The following PTPRG variants were observed in gnomAD, a reference collection of about 807,000 sequenced individuals.
PTPRG encodes protein tyrosine phosphatase receptor type G.
A neutral mutation model predicts 165.3 loss-of-function variants in PTPRG; 102 were observed. The observed-to-expected ratio is 0.62, with a 90% CI of 0.53 to 0.73. The LOEUF is 0.73. PTPRG is among the 30% of genes least tolerant of loss of function. The pLI is 0.00. For missense variants in PTPRG, 1,866 were observed against 1,861.4 expected, an observed-to-expected ratio of 1.00 and a Z score of -0.05; for synonymous variants, 675 against 669.5, an observed-to-expected ratio of 1.01 and a Z score of -0.13.
intron 4 of PTPRG, among the ~76,000 whole-genome samples, chr3:62,017,060 TAGAGGAGGGGATC>T (rs973343310): frequency 3.9e-5 from 6 of 152,192 alleles, no homozygotes; most frequent in South Asian, 2.1e-4. Flanking sequence ...TGTGAGCTTT[TAGAGGAGGGGATC>T]AGAGGAGGGG....
chr3:61,800,925 G>C (rs911156793), intron 2 of PTPRG, among the ~76,000 whole-genome samples: 2 of 152,114 alleles, frequency 1.3e-5, no homozygotes, highest in Non-Finnish European at 2.9e-5. Flanking sequence ...GATTACAGAC[G>C]TGAGCCACCA....
rs1430914942 is a variant in PTPRG at position 62,203,586 on chromosome 3, G to A, written c.1791G>A (p.Glu597=). 5.2e-6 allele frequency: 8 copies of A among 1,552,524 alleles called. No individual in the cohort carries two copies. The Admixed American group carries it at 1.4e-4, about 27-fold the overall frequency. The change falls in exon 12 of 30, where the codon GAG becomes GAA. Residue 597 remains glutamate, a synonymous_variant. Transcript: ENST00000474889. This position sits in a 1 kb window ranked among gnomAD's most constrained non-coding sequence, Gnocchi z 6.4. ...AGGATGGGGAGCGGGAGCACGAGGA[G>A]GATGGAGAGAAGGACTCCGAAAAGA... The part of the protein sequence containing the change: ...ESEDGEREHE[E]DGEKDSEKKE...
intron 2 of PTPRG, among the ~76,000 whole-genome samples, chr3:61,779,844 G>A (rs961226951): frequency 6.6e-6 from 1 of 152,128 alleles, no homozygotes; most frequent in African/African-American, 2.4e-5. Context: ...GCTCTATGGG[G>A]CCACAGATGA....
At chr3:61,744,176 T>C (rs934630993) in intron 1 of PTPRG, among the ~76,000 whole-genome samples, 11 of 152,250 alleles carry the variant, frequency 7.2e-5, no homozygotes, top group African/African-American at 2.7e-4. Flanking sequence ...ATATACTCTA[T>C]ATATACTTTT....
intron 2 of PTPRG, among the ~76,000 whole-genome samples, chr3:61,968,736 G>A (rs558158126): frequency 6.6e-6 from 1 of 152,256 alleles, no homozygotes; most frequent in Admixed American, 6.5e-5. Context: ...TTCTTCATCT[G>A]TTAAATGTTG....
At chr3:61,567,257 C>T (rs369267347) in intron 1 of PTPRG, among the ~76,000 whole-genome samples, 4 of 152,116 alleles carry the variant, frequency 2.6e-5, no homozygotes, top group African/African-American at 9.7e-5. Context: ...CAGCCACTGA[C>T]GAGGTAGAGG....
At chr3:62,133,935 A>G (rs148386234) in intron 6 of PTPRG, among the ~76,000 whole-genome samples, 1 of 152,180 alleles carries the variant, frequency 6.6e-6, no homozygotes, top group African/African-American at 2.4e-5. Context: ...GTGAGCCAAA[A>G]TTGCACCATT....
chr3:62,045,794 C>T (rs1039969684), intron 4 of PTPRG, among the ~76,000 whole-genome samples: 2 of 152,216 alleles, frequency 1.3e-5, no homozygotes, highest in Non-Finnish European at 2.9e-5. Flanking sequence ...TTGAAAATGG[C>T]ACTCAAGCTT....
At chr3:62,181,472 A>G (rs1389995649) in intron 8 of PTPRG, among the ~76,000 whole-genome samples, 3 of 151,512 alleles carry the variant, frequency 2.0e-5, no homozygotes, top group Non-Finnish European at 4.4e-5. Flanking sequence ...ATAAACACCT[A>G]CTCATTGTTG....
intron 4 of PTPRG, among the ~76,000 whole-genome samples, chr3:62,025,244 G>GTA (rs1023754897): frequency 3.9e-5 from 6 of 152,224 alleles, no homozygotes; most frequent in African/African-American, 1.4e-4. Context: ...CTGAATGCAT[G>GTA]TATATATATA....
At chr3:62,124,352 A>G in intron 5 of PTPRG, 1 of 1,613,042 alleles carries the variant, frequency 6.2e-7, no homozygotes, top group Non-Finnish European at 8.5e-7. Flanking sequence ...ATGCAGGCTG[A>G]CAATAGTGGG....
chr3:61,708,852 T>G (rs1391450675), intron 1 of PTPRG, among the ~76,000 whole-genome samples: 1 of 152,250 alleles, frequency 6.6e-6, no homozygotes, highest in African/African-American at 2.4e-5. Context: ...AACTTATATT[T>G]CATGTGACTG....
intron 28 of PTPRG, among the ~76,000 whole-genome samples, chr3:62,287,703 C>T (rs770379665): frequency 1.1e-4 from 16 of 152,158 alleles, no homozygotes; most frequent in Admixed American, 3.3e-4. Flanking sequence ...TTAAACTGAG[C>T]GACCAGGATA....
At chr3:61,939,089 C>T (rs971065466) in intron 2 of PTPRG, among the ~76,000 whole-genome samples, 5 of 152,156 alleles carry the variant, frequency 3.3e-5, no homozygotes, top group Admixed American at 6.5e-5. Context: ...GGTACAGGCG[C>T]GATGTCCACA....
intron 2 of PTPRG, among the ~76,000 whole-genome samples, chr3:61,975,147 A>T (rs1056794428): frequency 6.6e-6 from 1 of 152,200 alleles, no homozygotes; most frequent in Non-Finnish European, 1.5e-5. Flanking sequence ...ACGTTGGTCC[A>T]TTGTCAGTGG....
intron 1 of PTPRG, among the ~76,000 whole-genome samples, chr3:61,636,841 C>G (rs1701923279): frequency 6.6e-6 from 1 of 152,092 alleles, no homozygotes; most frequent in African/African-American, 2.4e-5. Context: ...TTTGATTAAT[C>G]TCATGTAGTA....
At chr3:62,019,010 G>A (rs1013007046) in intron 4 of PTPRG, among the ~76,000 whole-genome samples, 6 of 152,158 alleles carry the variant, frequency 3.9e-5, no homozygotes, top group Admixed American at 1.3e-4. Flanking sequence ...GGTCTTTGGG[G>A]TCCCAGAATG....
chr3:61,714,883 G>A (rs1033870368), intron 1 of PTPRG, among the ~76,000 whole-genome samples: 4 of 152,148 alleles, frequency 2.6e-5, no homozygotes, highest in Non-Finnish European at 5.9e-5. Context: ...TTCCATTACT[G>A]GTACCTGAGT....
rs74649864 is a variant in PTPRG at position 62,297,451 on chromosome 3, T to C, written c.*4144T>C. 7.6e-6 allele frequency: 1 copy of C among 132,374 alleles called. No homozygotes were observed. Among genetic ancestry groups the C allele is most frequent in the Non-Finnish European group, 1.6e-5 (1 of 62,016 alleles). 8.2% of individuals were successfully genotyped at this position (132,374 alleles called of 1,614,324 possible). Reference sequence around the variant, plus strand: ...ATTGACCCATTTGGAAAAAGTGTGCTTTTTTTTTTTTTTTAAATTTGTTCA... The same window carrying C: ...ATTGACCCATTTGGAAAAAGTGTGCCTTTTTTTTTTTTTTAAATTTGTTCA... On this transcript the variant is annotated 3_prime_UTR_variant, in exon 30 of 30. Coordinates refer to ENST00000474889, the MANE Select transcript of PTPRG (RefSeq NM_002841.4).
Sources: allele counts gnomAD v4.1 joint callset (sites outside exome capture counted in the v4.1 genomes callset), GRCh38; gene constraint gnomAD v4.1.1; non-coding constraint Gnocchi (gnomAD v3.1); transcripts MANE v1.5; gene names NCBI Gene and HGNC (gene_info 2026-07-23, HGNC 2026-07-21).